Variants in LYPD6 observed in about 807,000 individuals in gnomAD.
The protein encoded by LYPD6 is LY6/PLAUR domain containing 6, also known as ly6/PLAUR domain-containing protein 6.
In LYPD6, 15 loss-of-function variants were observed where a neutral mutation model predicts 22.7. The observed-to-expected ratio is 0.66, with a 90% CI of 0.44 to 1.02. LYPD6 has a LOEUF of 1.02. Among genes scored for constraint, LYPD6 ranks in the 50% least tolerant of loss-of-function variants. The probability of loss-of-function intolerance (pLI) is 0.00; values close to 1 mark genes in which losing one functional copy is unlikely to be tolerated. For synonymous variants in LYPD6, 72 were observed against 77.5 expected (o/e 0.93, Z 0.37); for missense variants, 189 against 208.4 (o/e 0.91, Z 0.57).
intron 1 of LYPD6, among the ~76,000 whole-genome samples, chr2:149,402,233 C>CGT (rs146124855): frequency 0.037 from 5,347 of 145,586 alleles, 168 homozygotes; most frequent in African/African-American, 0.087. Context: ...TGTGTGTTTG[C>CGT]GTGTGTGTGT....
At position 149,460,498 on chromosome 2, in the gene LYPD6, TATAAA is replaced by T. The variant is rs1195964381; in HGVS notation, c.218-8146_218-8142del. ...CTGAAAAATATGTGCAACAGAATAA[TATAAA>T]GGAAAGGAGGAATAGATAAATCTAC... On this transcript the variant is annotated intron_variant, in intron 3 of 4. Coordinates refer to ENST00000334166, the MANE Select transcript of LYPD6 (RefSeq NM_194317.5). Among the ~76,000 whole-genome samples the T allele has an allele frequency of 2.6e-5, 4 of 152,070 alleles. No individual in the cohort carries two copies. The East Asian group carries it at 7.7e-4, about 29-fold the overall frequency.
intron 3 of LYPD6, among the ~76,000 whole-genome samples, chr2:149,457,310 AT>A (rs1478695877): frequency 6.6e-6 from 1 of 152,184 alleles, no homozygotes; most frequent in Non-Finnish European, 1.5e-5. Context: ...AAATGTTTTA[AT>A]TTGGTTCAAC....
At chr2:149,373,534 C>A (rs969024703) in intron 1 of LYPD6, among the ~76,000 whole-genome samples, 3 of 152,036 alleles carry the variant, frequency 2.0e-5, no homozygotes, top group Non-Finnish European at 4.4e-5. Flanking sequence ...AGTACAAGGA[C>A]AGCAAGGAGA....
intron 1 of LYPD6, among the ~76,000 whole-genome samples, chr2:149,350,991 C>T (rs1303986401): frequency 1.3e-5 from 2 of 152,208 alleles, no homozygotes; most frequent in Admixed American, 6.5e-5. Flanking sequence ...ATGCCTCCCT[C>T]TTGTCCTTCC....
At chr2:149,337,542 C>A (rs1259209794) in intron 1 of LYPD6, among the ~76,000 whole-genome samples, 1 of 151,974 alleles carries the variant, frequency 6.6e-6, no homozygotes, top group African/African-American at 2.4e-5. Flanking sequence ...TGGATTTTGT[C>A]TCTCTTTCAG....
intron 1 of LYPD6, among the ~76,000 whole-genome samples, chr2:149,364,813 G>A (rs1290343248): frequency 6.6e-6 from 1 of 152,136 alleles, no homozygotes; most frequent in East Asian, 1.9e-4. Flanking sequence ...AGTAGTGTAT[G>A]AGAATGCATA....
At chr2:149,461,570 C>G (rs1251677402) in intron 3 of LYPD6, among the ~76,000 whole-genome samples, 1 of 151,786 alleles carries the variant, frequency 6.6e-6, no homozygotes, top group East Asian at 1.9e-4. Context: ...CAAAACCAGA[C>G]CAACACAGCA....
intron 1 of LYPD6, among the ~76,000 whole-genome samples, chr2:149,378,369 T>C (rs2105084570): frequency 6.6e-6 from 1 of 152,306 alleles, no homozygotes. Flanking sequence ...CCACCTGCCC[T>C]GGCCTCCCAA....
At chr2:149,361,934 G>C (rs1681578022) in intron 1 of LYPD6, among the ~76,000 whole-genome samples, 1 of 152,088 alleles carries the variant, frequency 6.6e-6, no homozygotes, top group Non-Finnish European at 1.5e-5. Flanking sequence ...GGCATAGAGA[G>C]GGGATAGTCA....
chr2:149,457,990 G>A (rs1474670882), intron 3 of LYPD6, among the ~76,000 whole-genome samples: 4 of 152,168 alleles, frequency 2.6e-5, no homozygotes, highest in African/African-American at 9.7e-5. Flanking sequence ...ACAGAAGTTT[G>A]CTCTCTAGCA....
At chr2:149,364,196 G>C (rs555914890) in intron 1 of LYPD6, among the ~76,000 whole-genome samples, 1 of 152,254 alleles carries the variant, frequency 6.6e-6, no homozygotes, top group Admixed American at 6.5e-5. Context: ...TGCAAATCCT[G>C]GGGAGTCCTG....
chr2:149,472,606 G>A lies in LYPD6; in HGVS notation c.*1756G>A, dbSNP rs1272104445. The A allele has an allele frequency of 1.3e-5, 2 of 152,628 alleles. No individual in the cohort carries two copies. Among genetic ancestry groups the A allele is most frequent in the East Asian group, 3.8e-4 (2 of 5,198 alleles). 9.5% of individuals were successfully genotyped at this position (152,628 alleles called of 1,614,324 possible). ...CAGAGTTTGTTAGGCTTATCAGTAT[G>A]TTGCTTTTAATTGGGGTGGGAAAGT... is the stretch of plus-strand genomic sequence containing the variant. On this transcript the variant is annotated 3_prime_UTR_variant, in exon 5 of 5. Transcript: ENST00000334166.
chr2:149,483,985 G>C, the LYPD6 span, among the ~76,000 whole-genome samples: 35 of 152,262 alleles, frequency 2.3e-4, 1 homozygote, highest in South Asian at 6.8e-3. Context: ...ACCAAAAAGC[G>C]AAGTGACCTC....
intron 1 of LYPD6, among the ~76,000 whole-genome samples, chr2:149,395,664 T>A (rs1682413102): frequency 6.6e-6 from 1 of 152,194 alleles, no homozygotes; most frequent in Admixed American, 6.5e-5. Flanking sequence ...TTATAGTAAC[T>A]ATTTTTTCCC....
At chr2:149,455,804 G>A (rs1467094091) in intron 3 of LYPD6, among the ~76,000 whole-genome samples, 4 of 152,084 alleles carry the variant, frequency 2.6e-5, no homozygotes, top group Non-Finnish European at 4.4e-5. Context: ...TTTGGAATTG[G>A]CCTTGGTAAT....
intron 1 of LYPD6, among the ~76,000 whole-genome samples, chr2:149,414,052 T>C (rs1012250935): frequency 5.9e-5 from 9 of 152,246 alleles, no homozygotes; most frequent in African/African-American, 2.2e-4. Flanking sequence ...TCCCTAGAAC[T>C]AGTTGGTGTT....
intron 1 of LYPD6, among the ~76,000 whole-genome samples, chr2:149,431,870 G>C (rs1573802869): frequency 6.6e-6 from 1 of 152,164 alleles, no homozygotes; most frequent in Middle Eastern, 3.4e-3. Flanking sequence ...TATCTGAAAA[G>C]GATCTAGAAT....
chr2:149,405,357 C>A (rs1431653693), intron 1 of LYPD6, among the ~76,000 whole-genome samples: 1 of 152,164 alleles, frequency 6.6e-6, no homozygotes, highest in East Asian at 1.9e-4. Context: ...GTGAATCCAT[C>A]TGGTCCTGGA....
intron 1 of LYPD6, among the ~76,000 whole-genome samples, chr2:149,348,053 TA>T (rs1553514507): frequency 6.8e-5 from 1 of 14,784 alleles, no homozygotes; most frequent in African/African-American, 1.5e-4. Flanking sequence ...CTGACTCTAC[TA>T]AAAATACAAA....
Sources: gnomAD v4.1 joint callset for allele counts (sites outside exome capture counted in the v4.1 genomes callset) on GRCh38, gnomAD v4.1.1 for gene constraint, MANE v1.5 for transcripts, NCBI Gene and HGNC (gene_info 2026-07-23, HGNC 2026-07-21) for gene names.